The following SLC9A5 variants were observed in gnomAD, a reference collection of about 807,000 sequenced individuals.
SLC9A5 encodes sodium/hydrogen exchanger 5.
SLC9A5 carries 52 observed loss-of-function variants against 91.7 expected under a neutral mutation model. The observed-to-expected ratio is 0.57, with a 90% CI of 0.45 to 0.71. The LOEUF is 0.71. Among genes scored for constraint, SLC9A5 ranks in the 30% least tolerant of loss-of-function variants. The pLI is 0.00. For synonymous variants in SLC9A5, 419 were observed against 474.5 expected (o/e 0.88, Z 1.52); for missense variants, 871 against 1,158.9 (o/e 0.75, Z 3.61).
intron 15 of SLC9A5, 85 bp downstream of exon 15, chr16:67,266,310 C>A: frequency 7.5e-7 from 1 of 1,331,076 alleles, no homozygotes; most frequent in Non-Finnish European, 1.0e-6. Context: ...CCAGACAACT[C>A]CCTTTTCCTA....
chr16:67,250,761 C>A (rs1294983555), intron 1 of SLC9A5, among the ~76,000 whole-genome samples: 2 of 152,144 alleles, frequency 1.3e-5, no homozygotes, highest in Non-Finnish European at 2.9e-5. Context: ...GTTCTAGGCC[C>A]TTTGGGTACA....
intron 12 of SLC9A5, among the ~76,000 whole-genome samples, chr16:67,260,319 C>A (rs975194019): frequency 7.8e-6 from 1 of 128,766 alleles, no homozygotes; most frequent in Non-Finnish European, 1.5e-5. Flanking sequence ...CTCACCACTG[C>A]ACTCCAGCCT....
At chr16:67,251,027 T>A (rs1028604888) in intron 1 of SLC9A5, among the ~76,000 whole-genome samples, 1 of 152,268 alleles carries the variant, frequency 6.6e-6, no homozygotes, top group African/African-American at 2.4e-5. Context: ...ATACTATGTG[T>A]CTGACATTAT....
chr16:67,271,068 G>A lies in SLC9A5; in HGVS notation c.2549G>A (p.Arg850His), dbSNP rs1040436622. The A allele has an allele frequency of 5.0e-6, 8 of 1,611,784 alleles. No homozygotes were observed. Among genetic ancestry groups the A allele is most frequent in the African/African-American group, 1.3e-5 (1 of 74,970 alleles). ...CCACCGAGCCTGGCCAAGGCTGGCC[G>A]CTCTCGCAGTGAGAGCAGCGCTGAC... Reference protein sequence around the residue: ...AFPPSLAKAGRSRSESSADLP... With the variant: ...AFPPSLAKAGHSRSESSADLP... The change falls in exon 16 of 16, where the codon CGC becomes CAC. Residue 850 changes from arginine to histidine, a missense_variant. This residue lies in a region of SLC9A5 where 295 missense variants were observed against 326.0 expected (regional missense o/e 0.90). Coordinates refer to ENST00000299798, the MANE Select transcript of SLC9A5 (RefSeq NM_004594.3).
In SLC9A5 at chr16:67,257,159, C is replaced by G. The variant is rs762239076; in HGVS notation, c.1335+46C>G. ...GGGTAGGGAGAGGGTTGGGCAGGCC[C>G]TGGGGGAGTCTTGGAGCCTGTGGGA... On this transcript the variant is annotated intron_variant, in intron 7 of 15. Transcript: ENST00000299798. The surrounding 1 kb of genome is among the most constrained non-coding windows in gnomAD (Gnocchi z 5.1). 6.4e-7 allele frequency: 1 copy of G among 1,558,542 alleles called. No homozygotes were observed. Among genetic ancestry groups the G allele is most frequent in the African/African-American group, 1.4e-5 (1 of 74,042 alleles).
chr16:67,259,636 G>A lies in SLC9A5; in HGVS notation c.1690G>A (p.Ala564Thr), dbSNP rs747168030. 1.9e-6 allele frequency: 3 copies of A among 1,614,098 alleles called. No individual in the cohort carries two copies. The highest frequency in any genetic ancestry group is 2.2e-5 in the East Asian group (1 of 44,874). The change falls in exon 11 of 16, where the codon GCA (alanine) becomes ACA (threonine). Residue 564 changes from alanine to threonine, a missense_variant. By Grantham distance (58) the Ala-to-Thr change is moderately conservative. This residue lies in a region of SLC9A5 where 454 missense variants were observed against 718.3 expected (regional missense o/e 0.63). Transcript: ENST00000299798. ...LPSMPSRNSVAETSVTNLLRE... is the reference protein window; with the variant it reads ...LPSMPSRNSVTETSVTNLLRE... The stretch of plus-strand genomic sequence containing the variant: ...TTCTATGCCCAGCCGCAATTCTGTG[G>A]CAGAAACTTCTGTCACCAACCTGCT...
chr16:67,266,342 C>T (rs1391259711), intron 15 of SLC9A5, 117 bp downstream of exon 15: 6 of 1,030,384 alleles, frequency 5.8e-6, no homozygotes, highest in Admixed American at 5.6e-5. Flanking sequence ...ATTCATCAGC[C>T]AGCATTTGCA....
intron 1 of SLC9A5, 70 bp downstream of exon 1, chr16:67,249,271 C>T (rs1189535215): frequency 8.1e-7 from 1 of 1,232,638 alleles, no homozygotes; most frequent in Non-Finnish European, 1.1e-6. Context: ...CCCACCTCCT[C>T]GGTCCTCAGA....
chr16:67,265,216 C>G (rs2035661260), intron 14 of SLC9A5, 110 bp downstream of exon 14: 1 of 952,958 alleles, frequency 1.0e-6, no homozygotes, highest in Non-Finnish European at 1.7e-6. Flanking sequence ...AGCACCGTGA[C>G]CTGGGGCTCT....
At chr16:67,261,347 T>TA (rs1443996386) in intron 12 of SLC9A5, 3 of 152,202 alleles carry the variant, frequency 2.0e-5, no homozygotes, top group African/African-American at 7.2e-5. Context: ...ATGGGGTTTT[T>TA]AAAAAACCTT....
intron 15 of SLC9A5, among the ~76,000 whole-genome samples, chr16:67,269,309 G>A (rs1031567055): frequency 2.6e-5 from 4 of 152,186 alleles, no homozygotes; most frequent in South Asian, 4.1e-4. Context: ...GTGGGCACCT[G>A]TAATCCCAGC....
chr16:67,254,274 C>T (rs1366661239), intron 2 of SLC9A5, among the ~76,000 whole-genome samples: 2 of 152,194 alleles, frequency 1.3e-5, no homozygotes, highest in Non-Finnish European at 2.9e-5. Flanking sequence ...TGGCCGGGAA[C>T]CACAGGTGTG....
In SLC9A5 at chr16:67,264,291, G is replaced by C. The variant is rs1567417009; in HGVS notation, c.1843-61G>C. ...GGTGAATATGTTGGGGCTGTGGCCT[G>C]GGGTTCTTGTGGGAGGCCAAGGCAT... is the stretch of plus-strand genomic sequence containing the variant. On this transcript the variant is annotated intron_variant, in intron 12 of 15. Transcript: ENST00000299798. 3 of 1,484,168 alleles carry C rather than the reference G, an allele frequency of 2.0e-6. No individual in the cohort carries two copies. The Admixed American group carries it at 5.3e-5, about 26-fold the overall frequency. The allele number at this position is 1,484,168 out of a possible 1,614,324, so 91.9% of individuals were successfully genotyped here.
chr16:67,256,357 G>A lies in SLC9A5; in HGVS notation c.912-112G>A. 1 of 744,194 alleles carries A rather than the reference G, an allele frequency of 1.3e-6. No individual in the cohort carries two copies. Among genetic ancestry groups the A allele is most frequent in the Non-Finnish European group, 2.3e-6 (1 of 433,328 alleles). 46.1% of individuals were successfully genotyped at this position (744,194 alleles called of 1,614,324 possible). ...AGGCCTCCCTGGGCTTCAGCTCTGA[G>A]AGTCTGACATCCTGTAATGGGCAAT... On this transcript the variant is annotated intron_variant, in intron 5 of 15. Coordinates refer to ENST00000299798, the MANE Select transcript of SLC9A5 (RefSeq NM_004594.3). This position sits in a 1 kb window ranked among gnomAD's most constrained non-coding sequence, Gnocchi z 4.1.
At position 67,255,724 on chromosome 16, in the gene SLC9A5, G is replaced by A. The variant is rs1488840330; in HGVS notation, c.734-29G>A. The A allele has an allele frequency of 2.6e-6, 4 of 1,538,132 alleles. No homozygotes were observed. In the East Asian group the frequency reaches 9.7e-5, roughly 37 times the overall value. On this transcript the variant is annotated intron_variant, in intron 4 of 15. Transcript: ENST00000299798. The surrounding 1 kb of genome is among the most constrained non-coding windows in gnomAD (Gnocchi z 4.9). The stretch of plus-strand genomic sequence containing the variant: ...AGCCCGGGTAGGGTCCGGGCCAGGG[G>A]TCATGCTGACAACCCACTCCTCCCC...
Position 67,248,983 on chromosome 16 carries a change from G to T in SLC9A5, c.-32G>T. The T allele has an allele frequency of 8.4e-7, 1 of 1,193,178 alleles. No homozygotes were observed. The highest frequency in any genetic ancestry group is 4.0e-5 in the South Asian group (1 of 24,950). The allele number at this position is 1,193,178 out of a possible 1,614,324, so 73.9% of individuals were successfully genotyped here. A position where few individuals can be genotyped will look rare whatever the true frequency, so the allele number is the denominator to read the frequency against. On this transcript the variant is annotated 5_prime_UTR_variant, in exon 1 of 16. Transcript: ENST00000299798. This position sits in a 1 kb window ranked among gnomAD's most constrained non-coding sequence, Gnocchi z 5.3. Reference sequence around the variant, plus strand: ...GGCGACGCGGGGCCGGCGGCCGTGCGGTGCCGGGAGGGCGGCTGGGCAGGC... The same window carrying T: ...GGCGACGCGGGGCCGGCGGCCGTGCTGTGCCGGGAGGGCGGCTGGGCAGGC...
At position 67,255,328 on chromosome 16, in the gene SLC9A5, C is replaced by G; in HGVS notation, c.655-65C>G. On this transcript the variant is annotated intron_variant, in intron 3 of 15. Transcript: ENST00000299798. The surrounding 1 kb of genome is among the most constrained non-coding windows in gnomAD (Gnocchi z 4.9). ...GCTTTCACCCTGCTCTCCCAGCAGTCTGTCTCCCAGCAGTCCCAGTTGCTG... is the reference window on the plus strand; with the variant it reads ...GCTTTCACCCTGCTCTCCCAGCAGTGTGTCTCCCAGCAGTCCCAGTTGCTG... The G allele has an allele frequency of 6.5e-7, 1 of 1,546,562 alleles. No homozygotes were observed. Among genetic ancestry groups the G allele is most frequent in the Middle Eastern group, 1.7e-4 (1 of 5,844 alleles).
rs1379078232 is a variant in SLC9A5, at chr16:67,257,454, C to A, written c.1425+20C>A. 7.4e-6 allele frequency: 12 copies of A among 1,613,446 alleles called. No homozygotes were observed. Among genetic ancestry groups the A allele is most frequent in the Non-Finnish European group, 1.0e-5 (12 of 1,179,488 alleles). Reference sequence around the variant, plus strand: ...GAACACGTGGGTATCAGAACCCCAGCCCTCGCCTGTCCCTCTCGACCTTCT... The same window carrying A: ...GAACACGTGGGTATCAGAACCCCAGACCTCGCCTGTCCCTCTCGACCTTCT... On this transcript the variant is annotated intron_variant, in intron 8 of 15. Coordinates refer to ENST00000299798, the MANE Select transcript of SLC9A5 (RefSeq NM_004594.3). This position sits in a 1 kb window ranked among gnomAD's most constrained non-coding sequence, Gnocchi z 5.1.
intron 15 of SLC9A5, 101 bp downstream of exon 15, chr16:67,266,326 TA>T: frequency 8.4e-7 from 1 of 1,195,642 alleles, no homozygotes; most frequent in Non-Finnish European, 1.2e-6. Context: ...TCCTATTCAC[TA>T]GTTTATTCAT....
Sources: gnomAD v4.1 joint callset for allele counts (sites outside exome capture counted in the v4.1 genomes callset) on GRCh38, gnomAD v4.1.1 for gene constraint, gnomAD v4.1.1 regional missense constraint, Gnocchi (gnomAD v3.1) non-coding constraint, MANE v1.5 for transcripts, NCBI Gene and HGNC (gene_info 2026-07-23, HGNC 2026-07-21) for gene names.